Variants in CPA5 observed in about 807,000 individuals in gnomAD.
CPA5 encodes the protein carboxypeptidase A5, also known as testicular tissue protein Li 32.
In CPA5, 38 loss-of-function variants were observed where a neutral mutation model predicts 52.2. The ratio of observed to expected loss-of-function variants is 0.73; its 90% confidence interval spans 0.56 to 0.95. The LOEUF is 0.95. CPA5 is among the 40% of genes least tolerant of loss of function. CPA5 has a pLI of 0.00. For synonymous variants in CPA5, 198 were observed against 213.7 expected (o/e 0.93, Z 0.64); for missense variants, 519 against 566.7 (o/e 0.92, Z 0.86).
At chr7:130,351,020 A>G (rs1795104079) in intron 5 of CPA5, among the ~76,000 whole-genome samples, 1 of 152,208 alleles carries the variant, frequency 6.6e-6, no homozygotes. Flanking sequence ...GACTGTGGGA[A>G]CACAGAGCCT....
At chr7:130,347,598 C>T (rs970221233) in intron 3 of CPA5, among the ~76,000 whole-genome samples, 168 bp from the exon 4 acceptor site, 25 of 152,164 alleles carry the variant, frequency 1.6e-4, no homozygotes, top group Non-Finnish European at 2.9e-4. Flanking sequence ...GAGCTGCCTG[C>T]GAGTCCTGCC....
At chr7:130,349,887 G>A in intron 4 of CPA5, 88 bp from the exon 5 acceptor site, 1 of 1,465,546 alleles carries the variant, frequency 6.8e-7, no homozygotes, top group Non-Finnish European at 9.2e-7. Context: ...TACTGGCTGA[G>A]AGATTCTCTG....
At chr7:130,352,839 G>GTTTTTTTTTTTTTTT (rs1323770844) in intron 5 of CPA5, among the ~76,000 whole-genome samples, 1 of 147,020 alleles carries the variant, frequency 6.8e-6, no homozygotes, top group African/African-American at 2.5e-5. Context: ...CAGCCCTTTG[G>GTTTTTTTTTTTTTTT]TTTTTTTTTT....
chr7:130,359,869 C>T (rs1795697083), intron 6 of CPA5, among the ~76,000 whole-genome samples, 182 bp downstream of exon 6: 1 of 152,174 alleles, frequency 6.6e-6, no homozygotes, highest in Non-Finnish European at 1.5e-5. Flanking sequence ...TCAAAGAGAT[C>T]TGGAAGCCAG....
chr7:130,358,082 A>C (rs1584812860), intron 5 of CPA5, among the ~76,000 whole-genome samples: 3 of 151,544 alleles, frequency 2.0e-5, no homozygotes, highest in African/African-American at 7.3e-5. Context: ...TCTAGCCTCC[A>C]ACTCCCGGGC....
At chr7:130,359,106 G>A (rs1192950211) in intron 5 of CPA5, among the ~76,000 whole-genome samples, 1 of 152,176 alleles carries the variant, frequency 6.6e-6, no homozygotes, top group South Asian at 2.1e-4. Flanking sequence ...CTTCCCCCAG[G>A]GGGGTCAGTG....
chr7:130,348,118 C>A (rs1460614756), intron 4 of CPA5, among the ~76,000 whole-genome samples: 8 of 152,148 alleles, frequency 5.3e-5, no homozygotes, highest in Admixed American at 4.6e-4. Context: ...GGGCACCAAT[C>A]TCCAAACAGC....
At position 130,367,430 on chromosome 7, in the gene CPA5, G is replaced by A. The variant is rs781825900; in HGVS notation, c.897G>A (p.Ser299=). 6.8e-6 allele frequency: 11 copies of A among 1,613,986 alleles called. No individual in the cohort carries two copies. The highest frequency in any genetic ancestry group is 6.6e-5 in the South Asian group (6 of 91,076). The change falls in exon 11 of 13, where the codon TCG becomes TCA. Residue 299 remains serine, a synonymous_variant. Coordinates refer to ENST00000474905, the MANE Select transcript of CPA5 (RefSeq NM_080385.5). ...CTTATCACGGGCCCTCCCCTCAGTC[G>A]GAGCCGGAGGTGGCTGCCATAGTGA... The part of the protein sequence containing the change: ...SETYHGPSPQ[S]EPEVAAIVNF...
At chr7:130,360,547 T>A (rs1279548274) in intron 6 of CPA5, among the ~76,000 whole-genome samples, 2 of 152,238 alleles carry the variant, frequency 1.3e-5, no homozygotes, top group East Asian at 3.8e-4. Flanking sequence ...ATACCATCCA[T>A]CTATTATCAT....
At chr7:130,347,581 C>T (rs1014115146) in intron 3 of CPA5, among the ~76,000 whole-genome samples, 185 bp from the exon 4 acceptor site, 1 of 152,170 alleles carries the variant, frequency 6.6e-6, no homozygotes, top group African/African-American at 2.4e-5. Flanking sequence ...GGACCATGTG[C>T]TTCTCAGAGC....
downstream of CPA5, among the ~76,000 whole-genome samples, chr7:130,370,735 G>A (rs1433578080): frequency 2.0e-5 from 3 of 152,178 alleles, no homozygotes; most frequent in African/African-American, 4.8e-5. Flanking sequence ...AGCAGAATCC[G>A]TGGAGACTTG....
chr7:130,358,302 A>G (rs76221609), intron 5 of CPA5, among the ~76,000 whole-genome samples: 2 of 152,192 alleles, frequency 1.3e-5, no homozygotes, highest in East Asian at 1.9e-4. Flanking sequence ...CCCAACCTGC[A>G]TATGTGTTAT....
In CPA5 at chr7:130,350,904, G is replaced by T. The variant is rs544458624; in HGVS notation, c.333+795G>T. On this transcript the variant is annotated intron_variant, in intron 5 of 12. Transcript: ENST00000474905. ...ACTCATTGGTTAAGCCTCCCCGGCTGCATCTTTCTGCAGCTGCTTGCTGCT... is the reference window on the plus strand; with the variant it reads ...ACTCATTGGTTAAGCCTCCCCGGCTTCATCTTTCTGCAGCTGCTTGCTGCT... Among the ~76,000 whole-genome samples, 4 of 152,344 alleles carry T rather than the reference G, an allele frequency of 2.6e-5. No individual in the cohort carries two copies. The East Asian group carries it at 7.7e-4, about 29-fold the overall frequency.
At position 130,367,498 on chromosome 7, in the gene CPA5, T is replaced by A; in HGVS notation, c.965T>A (p.Ile322Asn). Residue 322 changes from isoleucine to asparagine, a missense_variant, in exon 11 of 13, where the codon ATC becomes AAC. Transcript: ENST00000474905. ...AHGNFKALISIHSYSQMLMYP... is the reference protein window; with the variant it reads ...AHGNFKALISNHSYSQMLMYP... ...GGCAACTTCAAGGCTCTGATCTCCA[T>A]CCACAGCTACTCTCAGATGCTTATG... is the stretch of plus-strand genomic sequence containing the variant. The A allele has an allele frequency of 6.2e-7, 1 of 1,614,124 alleles. No homozygotes were observed. The highest frequency in any genetic ancestry group is 2.2e-5 in the East Asian group (1 of 44,886).
At position 130,347,336 on chromosome 7, in the gene CPA5, G is replaced by C. The variant is rs142368620; in HGVS notation, c.117-430G>C. ...CTTCCGGGCGTCGAGACAGACCATG[G>C]CCTTGGGGCCCCCTCGCGAAGAGCC... On this transcript the variant is annotated intron_variant, in intron 3 of 12. Transcript: ENST00000474905. Among the ~76,000 whole-genome samples the C allele has an allele frequency of 3.9e-5, 6 of 152,340 alleles. No homozygotes were observed. In the East Asian group the frequency reaches 1.2e-3, roughly 29 times the overall value.
intron 5 of CPA5, among the ~76,000 whole-genome samples, chr7:130,354,415 ACAGGGTCTCACTCCCTCACC>A (rs1681612139): frequency 6.6e-6 from 1 of 151,798 alleles, no homozygotes; most frequent in South Asian, 2.1e-4. Context: ...TCTTTTTGAG[ACAGGGTCTCACTCCCTCACC>A]CAGGCTGGAG....
rs782337056 is a variant in CPA5 at position 130,367,466 on chromosome 7, A to G, written c.933A>G (p.Thr311=). Residue 311 remains threonine (T), a synonymous_variant, in exon 11 of 13, where the codon ACA becomes ACG. Coordinates refer to ENST00000474905, the MANE Select transcript of CPA5 (RefSeq NM_080385.5). ...TGGCTGCCATAGTGAACTTCATCACAGCCCATGGCAACTTCAAGGCTCTGA... is the reference window on the plus strand; with the variant it reads ...TGGCTGCCATAGTGAACTTCATCACGGCCCATGGCAACTTCAAGGCTCTGA... ...PEVAAIVNFI[T]AHGNFKALIS... is the part of the protein sequence containing the mutation. The G allele has an allele frequency of 2.5e-6, 4 of 1,614,070 alleles. No individual in the cohort carries two copies. Among genetic ancestry groups the G allele is most frequent in the Admixed American group, 3.3e-5 (2 of 59,998 alleles).
At chr7:130,374,187 TCTC>T in the CPA5 span, among the ~76,000 whole-genome samples, 1 of 152,084 alleles carries the variant, frequency 6.6e-6, no homozygotes, top group South Asian at 2.1e-4. Context: ...GTAGCAGACT[TCTC>T]CTGCCCTGTC....
intron 9 of CPA5, 37 bp downstream of exon 9, chr7:130,363,031 G>C: frequency 1.6e-6 from 2 of 1,264,038 alleles, no homozygotes; most frequent in Non-Finnish European, 2.3e-6. Flanking sequence ...GAGGGGGTCA[G>C]CTCTAGGGGG....
Sources: allele counts gnomAD v4.1 joint callset (sites outside exome capture counted in the v4.1 genomes callset), GRCh38; gene constraint gnomAD v4.1.1; transcripts MANE v1.5; gene names NCBI Gene and HGNC (gene_info 2026-07-23, HGNC 2026-07-21).